The following ESYT3 variants were observed in gnomAD, a reference collection of about 807,000 sequenced individuals.
ESYT3 encodes extended synaptotagmin-3.
ESYT3 carries 101 observed loss-of-function variants against 111.5 expected under a neutral mutation model. The ratio of observed to expected loss-of-function variants is 0.91; its 90% CI spans 0.77 to 1.07. The LOEUF (loss-of-function observed/expected upper bound fraction) is 1.07, where lower values mean the gene tolerates loss of function less well. ESYT3 is among the 50% of genes least tolerant of loss of function. The pLI is 0.00. For missense variants in ESYT3, 1,097 were observed against 1,109.4 expected (o/e 0.99, Z 0.16); for synonymous variants, 416 against 446.8 (o/e 0.93, Z 0.87).
downstream of ESYT3, chr3:138,480,261 G>GAAAC (rs1389542878): frequency 1.3e-5 from 2 of 152,158 alleles, no homozygotes; most frequent in African/African-American, 4.8e-5. Flanking sequence ...AGGTTCACAT[G>GAAAC]AAACAGAAAT....
rs116354458 is a variant in ESYT3 at position 138,445,701 on chromosome 3, C to T, written c.328-6347C>T. ...AGAGGGGTCAGAGTGCCTGCACCTC[C>T]CAGGTCTGTACAACTTCCAGCAAAA... On this transcript the variant is annotated intron_variant, in intron 1 of 22. Coordinates refer to ENST00000389567, the MANE Select transcript of ESYT3 (RefSeq NM_031913.5). Among the ~76,000 whole-genome samples the T allele has an allele frequency of 4.8e-3, 730 of 152,270 alleles. 7 individuals carry two copies. The highest frequency in any genetic ancestry group is 0.017 in the African/African-American group (708 of 41,560).
chr3:138,442,099 T>C (rs1297524853), intron 1 of ESYT3, among the ~76,000 whole-genome samples: 1 of 150,034 alleles, frequency 6.7e-6, no homozygotes, highest in Non-Finnish European at 1.5e-5. Context: ...CATAACTGGT[T>C]ATAAAATGTC....
intron 7 of ESYT3, among the ~76,000 whole-genome samples, chr3:138,461,285 A>G (rs1229991883): frequency 1.3e-5 from 2 of 152,182 alleles, no homozygotes; most frequent in Admixed American, 6.5e-5. Flanking sequence ...TCACAAACAT[A>G]GGCATGGAAG....
chr3:138,455,537 T>C (rs868039449), intron 3 of ESYT3, among the ~76,000 whole-genome samples: 5 of 151,878 alleles, frequency 3.3e-5, no homozygotes, highest in Non-Finnish European at 7.4e-5. Context: ...TACCATCATC[T>C]CCCCAGGTTC....
In ESYT3 at chr3:138,440,611, C is replaced by T. The variant is rs2031073354; in HGVS notation, c.327+5486C>T. ...CTTCTTACCCTTGAGGTCCCTGCAG[C>T]CCTGTGAAGTTATTCAAATGGCTTG... On this transcript the variant is annotated intron_variant, in intron 1 of 22. Transcript: ENST00000389567. This position sits in a 1 kb window ranked among gnomAD's most constrained non-coding sequence, Gnocchi z 4.2. Among the ~76,000 whole-genome samples the T allele has an allele frequency of 6.6e-6, 1 of 152,164 alleles. No individual in the cohort carries two copies. The highest frequency in any genetic ancestry group is 2.1e-4 in the South Asian group (1 of 4,824).
At chr3:138,460,205 C>T (rs1352679640) in intron 6 of ESYT3, among the ~76,000 whole-genome samples, 171 bp downstream of exon 6, 1 of 152,224 alleles carries the variant, frequency 6.6e-6, no homozygotes, top group African/African-American at 2.4e-5. Flanking sequence ...GAGTTAGACT[C>T]TGCCCTCCCT....
At position 138,462,328 on chromosome 3, in the gene ESYT3, G is replaced by T. The variant is rs200430059; in HGVS notation, c.915+122G>T. The T allele has an allele frequency of 2.8e-5, 39 of 1,378,598 alleles. No individual in the cohort carries two copies. In the East Asian group the frequency reaches 9.4e-4, roughly 33 times the overall value. The allele number at this position is 1,378,598 out of a possible 1,614,324, so 85.4% of individuals were successfully genotyped here. On this transcript the variant is annotated intron_variant, in intron 8 of 22. Coordinates refer to ENST00000389567, the MANE Select transcript of ESYT3 (RefSeq NM_031913.5). ...AATGCTTGACAGTCCCAGAAAAATGGTACAAACACCATCGCCCACGTCATA... is the reference window on the plus strand; with the variant it reads ...AATGCTTGACAGTCCCAGAAAAATGTTACAAACACCATCGCCCACGTCATA...
Position 138,473,599 on chromosome 3 carries a change from G to A in ESYT3, c.2301G>A (p.Leu767=). ...AGCTCACAGTGCGCTATGTGTGTCTGCGGCGCTGCCTCAGCGTGCTAATCA... is the reference window on the plus strand; with the variant it reads ...AGCTCACAGTGCGCTATGTGTGTCTACGGCGCTGCCTCAGCGTGCTAATCA... The part of the protein sequence containing the change: ...EIQLTVRYVC[L]RRCLSVLING... The change falls in exon 19 of 23, where the codon CTG becomes CTA. Residue 767 remains leucine (L), a synonymous_variant. Transcript: ENST00000389567. 3 of 1,613,908 alleles carry A rather than the reference G, an allele frequency of 1.9e-6. No homozygotes were observed. Among genetic ancestry groups the A allele is most frequent in the African/African-American group, 1.3e-5 (1 of 75,052 alleles).
At position 138,476,250 on chromosome 3, in the gene ESYT3, A is replaced by G. The variant is rs1411230793; in HGVS notation, c.2496A>G (p.Glu832=). The G allele has an allele frequency of 6.2e-7, 1 of 1,613,526 alleles. No individual in the cohort carries two copies. Among genetic ancestry groups the G allele is most frequent in the Admixed American group, 1.7e-5 (1 of 59,972 alleles). Residue 832 remains glutamate, a synonymous_variant, in exon 21 of 23, where the codon GAA becomes GAG. Coordinates refer to ENST00000389567, the MANE Select transcript of ESYT3 (RefSeq NM_031913.5). ...TTGAATTTTTTGTTCCCATGGAAGA[A>G]GTAAAGAAGAGGTCACTAGATGTTG... The part of the protein sequence containing the change: ...ETFEFFVPME[E]VKKRSLDVAV...
Position 138,435,607 on chromosome 3 carries a change from G to T in ESYT3, c.327+482G>T, listed in dbSNP as rs1388714310. On this transcript the variant is annotated intron_variant, in intron 1 of 22. Transcript: ENST00000389567. This position sits in a 1 kb window ranked among gnomAD's most constrained non-coding sequence, Gnocchi z 4.8. ...CGAGGCCTGGACTGCGGTAGGGGGA[G>T]GGCTCCGCGGGGCTGGAGGTGGAGT... 2.0e-5 allele frequency among the ~76,000 whole-genome samples: 3 copies of T among 152,316 alleles called. No homozygotes were observed. Among genetic ancestry groups the T allele is most frequent in the African/African-American group, 7.2e-5 (3 of 41,582 alleles).
chr3:138,472,544 C>A lies in ESYT3; in HGVS notation c.1922C>A (p.Ser641Tyr). 6.2e-7 allele frequency: 1 copy of A among 1,614,252 alleles called. No individual in the cohort carries two copies. The highest frequency in any genetic ancestry group is 8.5e-7 in the Non-Finnish European group (1 of 1,180,046). Residue 641 changes from serine (S) to tyrosine (Y), a missense_variant, in exon 18 of 23, where the codon TCC (serine) becomes TAC (tyrosine). Transcript: ENST00000389567. ...PDPASDTKDV[S>Y]RSTTTTTSAT... The stretch of plus-strand genomic sequence containing the variant: ...CCTGCTTCTGATACTAAGGACGTAT[C>A]CAGGAGTACCACAACCACCACCAGT...
downstream of ESYT3, chr3:138,480,270 A>ATGTT (rs1553824426): frequency 6.6e-6 from 1 of 152,194 alleles, no homozygotes; most frequent in South Asian, 2.1e-4. Context: ...TGAAACAGAA[A>ATGTT]TGTTGAAAGT....
In ESYT3 at chr3:138,434,929, TCTACCTGGGGCCTGTCTACCTAGCTGG is replaced by T; in HGVS notation, c.143_169del (p.Pro48_Gly56del). The T allele has an allele frequency of 6.4e-7, 1 of 1,552,164 alleles. No homozygotes were observed. Among genetic ancestry groups the T allele is most frequent in the Non-Finnish European group, 8.7e-7 (1 of 1,147,246 alleles). On this transcript the variant is annotated inframe_deletion, in exon 1 of 23. Coordinates refer to ENST00000389567, the MANE Select transcript of ESYT3 (RefSeq NM_031913.5). ...TGTACCTTCGTGGTGCGCGTGCTGT[TCTACCTGGGGCCTGTCTACCTAGCTGG>T]CTACCTGGGGCTCAGCATAACCTGG...
Position 138,477,149 on chromosome 3 carries a change from C to T in ESYT3, c.*295C>T, listed in dbSNP as rs529055571. On this transcript the variant is annotated 3_prime_UTR_variant, in exon 23 of 23. Transcript: ENST00000389567. ...TTATCCAAACCTCAGTGTTTATATACTTAAACAAGTGCCACTTTTTAGTAG... is the reference window on the plus strand; with the variant it reads ...TTATCCAAACCTCAGTGTTTATATATTTAAACAAGTGCCACTTTTTAGTAG... The T allele has an allele frequency of 3.7e-6, 1 of 269,304 alleles. No homozygotes were observed. Among genetic ancestry groups the T allele is most frequent in the East Asian group, 8.8e-5 (1 of 11,328 alleles). 16.7% of individuals were successfully genotyped at this position (269,304 alleles called of 1,614,324 possible).
intron 1 of ESYT3, among the ~76,000 whole-genome samples, chr3:138,443,736 C>CTGTGTGTGTGTGGGTGTGTG (rs2031330049): frequency 6.8e-6 from 1 of 147,866 alleles, no homozygotes; most frequent in African/African-American, 2.5e-5. Flanking sequence ...GTTTGTGCAT[C>CTGTGTGTGTGTGGGTGTGTG]TGTGTGTGTG....
At position 138,469,473 on chromosome 3, in the gene ESYT3, T is replaced by C. The variant is rs201196313; in HGVS notation, c.1472T>C (p.Leu491Pro). ...AAAGACCCTTCTTCCTATGTCAAAC[T>C]ATCTGTAGGCAAGAAGACACATACA... ...VSKDPSSYVK[L>P]SVGKKTHTSK... is the part of the protein sequence containing the mutation. The change falls in exon 15 of 23, where the codon CTA becomes CCA. Residue 491 changes from leucine to proline, a missense_variant. Coordinates refer to ENST00000389567, the MANE Select transcript of ESYT3 (RefSeq NM_031913.5). 719 of 1,613,960 alleles carry C rather than the reference T, an allele frequency of 4.5e-4. 1 individual carries two copies. Among genetic ancestry groups the C allele is most frequent in the Admixed American group, 7.5e-4 (45 of 60,000 alleles).
rs771387610 is a variant in ESYT3, at chr3:138,476,972, A to G, written c.*118A>G. 4 of 680,262 alleles carry G rather than the reference A, an allele frequency of 5.9e-6. No homozygotes were observed. Among genetic ancestry groups the G allele is most frequent in the Non-Finnish European group, 9.4e-6 (4 of 427,272 alleles). 42.1% of individuals were successfully genotyped at this position (680,262 alleles called of 1,614,324 possible). On this transcript the variant is annotated 3_prime_UTR_variant, in exon 23 of 23. Coordinates refer to ENST00000389567, the MANE Select transcript of ESYT3 (RefSeq NM_031913.5). ...TTTTGTCATTTAAATCAGAACAACC[A>G]CTTGAAATTATATACATACAATTCT...
intron 1 of ESYT3, among the ~76,000 whole-genome samples, chr3:138,448,589 G>A (rs369730458): frequency 1.3e-5 from 2 of 152,084 alleles, no homozygotes; most frequent in African/African-American, 4.8e-5. Context: ...AGACCTAAAC[G>A]TGAAAGCCAA....
In ESYT3 at chr3:138,479,720, C is replaced by A. The variant is rs2033641503; in HGVS notation, c.*2866C>A. 6.6e-6 allele frequency: 1 copy of A among 152,194 alleles called. No individual in the cohort carries two copies. 9.4% of individuals were successfully genotyped at this position (152,194 alleles called of 1,614,324 possible). A position where few individuals can be genotyped will look rare whatever the true frequency, so the allele number is the denominator to read the frequency against. ...CACCTTTTGGCAAGTTTCTTAGCCA[C>A]AAGTGGGTTGCATGGTCCTATGGCT... On this transcript the variant is annotated 3_prime_UTR_variant, in exon 23 of 23. Coordinates refer to ENST00000389567, the MANE Select transcript of ESYT3 (RefSeq NM_031913.5).
Sources: allele counts gnomAD v4.1 joint callset (sites outside exome capture counted in the v4.1 genomes callset), GRCh38; gene constraint gnomAD v4.1.1; non-coding constraint Gnocchi (gnomAD v3.1); transcripts MANE v1.5; gene names NCBI Gene and HGNC (gene_info 2026-07-23, HGNC 2026-07-21).